CDHR5: variants seen among roughly 807,000 people sequenced by gnomAD.
CDHR5 encodes the protein cadherin related family member 5.
CDHR5 carries 82 observed loss-of-function variants against 69.5 expected under a neutral mutation model. The observed-to-expected ratio is 1.18, with a 90% CI of 0.99 to 1.42. CDHR5 has a LOEUF of 1.42. Ranked by LOEUF, CDHR5 falls within the 40% of genes most tolerant of loss-of-function variation. The pLI is 0.00. For missense variants in CDHR5, 1,293 were observed against 1,168.9 expected, an observed-to-expected ratio of 1.11 and a Z score of -1.55; for synonymous variants, 601 against 510.2, an observed-to-expected ratio of 1.18 and a Z score of -2.40.
In CDHR5 at chr11:618,893, C is replaced by G; in HGVS notation, c.1666G>C (p.Gly556Arg). The stretch of plus-strand genomic sequence containing the variant: ...GCTGGTTGGTGGGAGGTGCTGGTTC[C>G]CACACCGGGGGGCATCGGCTGAGAG... ...GTSQPMPPGV[G>R]TSTSHQPATP... The change falls in exon 13 of 15, where the codon GGA becomes CGA. Residue 556 changes from glycine to arginine, a missense_variant. Coordinates refer to ENST00000397542, the MANE Select transcript of CDHR5 (RefSeq NM_021924.5). The G allele has an allele frequency of 6.2e-7, 1 of 1,602,816 alleles. No individual in the cohort carries two copies. Among genetic ancestry groups the G allele is most frequent in the Non-Finnish European group, 8.5e-7 (1 of 1,175,598 alleles).
intron 3 of CDHR5, among the ~76,000 whole-genome samples, chr11:622,383 G>T (rs986259351): frequency 1.3e-5 from 2 of 151,208 alleles, no homozygotes; most frequent in Non-Finnish European, 2.9e-5. Flanking sequence ...GCAGCCAGCA[G>T]AATCTCAGGT....
chr11:624,952 G>A lies in CDHR5; in HGVS notation c.-50C>T, dbSNP rs1857646065. On this transcript the variant is annotated 5_prime_UTR_variant, in exon 1 of 15. Coordinates refer to ENST00000397542, the MANE Select transcript of CDHR5 (RefSeq NM_021924.5). This position sits in a 1 kb window ranked among gnomAD's most constrained non-coding sequence, Gnocchi z 5.3. ...GGGTCTGAGCGGGTCTGGCGTCTAG[G>A]ACTGGCGCAGTTCCTACCTCAGCGA... is the stretch of plus-strand genomic sequence containing the variant. 7.0e-7 allele frequency: 1 copy of A among 1,423,766 alleles called. No individual in the cohort carries two copies. Among genetic ancestry groups the A allele is most frequent in the Non-Finnish European group, 9.5e-7 (1 of 1,052,334 alleles). 88.2% of individuals were successfully genotyped at this position (1,423,766 alleles called of 1,614,324 possible). A position where few individuals can be genotyped will look rare whatever the true frequency, so the allele number is the denominator to read the frequency against.
At chr11:619,413 C>T (rs1227790935) in intron 11 of CDHR5, 23 bp from the exon 12 acceptor site, 2 of 1,609,692 alleles carry the variant, frequency 1.2e-6, no homozygotes, top group East Asian at 2.2e-5. Flanking sequence ...GGGGCTTGTC[C>T]CTCCTAGACA....
At chr11:618,552 A>G in intron 13 of CDHR5, 47 bp downstream of exon 13, 1 of 1,604,056 alleles carries the variant, frequency 6.2e-7, no homozygotes, top group East Asian at 2.2e-5. Context: ...TTCCCATACC[A>G]GCCAATGACC....
At position 618,088 on chromosome 11, in the gene CDHR5, G is replaced by C; in HGVS notation, c.1984C>G (p.Arg662Gly). 2.5e-6 allele frequency: 4 copies of C among 1,610,790 alleles called. No individual in the cohort carries two copies. The highest frequency in any genetic ancestry group is 3.4e-6 in the Non-Finnish European group (4 of 1,178,892). ...SSGGGPSEDK[R>G]FSVVDMAALG... ...GCCGCCATATCCACCACCGAGAAGC[G>C]CTTGTCCTCCGAGGGGCCGCCACCT... The change falls in exon 14 of 15, where the codon CGC (arginine) becomes GGC (glycine). Residue 662 changes from arginine to glycine, a missense_variant. Physicochemically the swap from Arg to Gly is moderately radical, Grantham distance 125 (BLOSUM62 -2). Coordinates refer to ENST00000397542, the MANE Select transcript of CDHR5 (RefSeq NM_021924.5).
At chr11:620,983 A>AACCCCCCCCC in intron 7 of CDHR5, 97 bp downstream of exon 7, 1 of 537,004 alleles carries the variant, frequency 1.9e-6, no homozygotes, top group East Asian at 3.5e-5. Flanking sequence ...CCACCCCCTG[A>AACCCCCCCCC]CCCCGACCCC....
chr11:616,976 C>CGTCTCATTAAAAAA lies in CDHR5; in HGVS notation c.*374_*375insTTTTTTAATGAGAC. On this transcript the variant is annotated 3_prime_UTR_variant, in exon 15 of 15. Coordinates refer to ENST00000397542, the MANE Select transcript of CDHR5 (RefSeq NM_021924.5). ...CGGGAGCGGGAGGTCTGAGATGAGC[C>CGTCTCATTAAAAAA]GGGTGCCTGAGATCTCCGGTGCAGG... 2 of 255,816 alleles carry CGTCTCATTAAAAAA rather than the reference C, an allele frequency of 7.8e-6. No homozygotes were observed. Among genetic ancestry groups the CGTCTCATTAAAAAA allele is most frequent in the Non-Finnish European group, 1.5e-5 (2 of 132,172 alleles). 15.8% of individuals were successfully genotyped at this position (255,816 alleles called of 1,614,324 possible). A position where few individuals can be genotyped will look rare whatever the true frequency, so the allele number is the denominator to read the frequency against.
rs773075669 is a variant in CDHR5 at position 624,783 on chromosome 11, C to T, written c.85+35G>A. ...GTGCCTCCCAGCCCCTGGCTCCCCGCCGCCCGTGCCCCACCTACCCCTGCC... is the reference window on the plus strand; with the variant it reads ...GTGCCTCCCAGCCCCTGGCTCCCCGTCGCCCGTGCCCCACCTACCCCTGCC... On this transcript the variant is annotated intron_variant, in intron 1 of 14. Coordinates refer to ENST00000397542, the MANE Select transcript of CDHR5 (RefSeq NM_021924.5). This position sits in a 1 kb window ranked among gnomAD's most constrained non-coding sequence, Gnocchi z 5.3. 2 of 1,604,632 alleles carry T rather than the reference C, an allele frequency of 1.2e-6. No homozygotes were observed. The highest frequency in any genetic ancestry group is 1.7e-6 in the Non-Finnish European group (2 of 1,174,292).
rs200470652 is a variant in CDHR5, at chr11:621,823, T to G, written c.394A>C (p.Arg132=). 65 of 1,613,244 alleles carry G rather than the reference T, an allele frequency of 4.0e-5. No homozygotes were observed. The highest frequency in any genetic ancestry group is 3.3e-4 in the Middle Eastern group (2 of 6,060). The stretch of plus-strand genomic sequence containing the variant: ...TTCGCTGGCCTCACCTCCTCCACCC[T>G]TATCTCCTTGGTCTTAAAGGGGAAT... The part of the protein sequence containing the change: ...PEFPFKTKEI[R]VEEDTKVNST... The change falls in exon 4 of 15, where the codon AGG becomes CGG. Residue 132 remains arginine, a synonymous_variant. Coordinates refer to ENST00000397542, the MANE Select transcript of CDHR5 (RefSeq NM_021924.5). The surrounding 1 kb of genome is among the most constrained non-coding windows in gnomAD (Gnocchi z 4.4).
In CDHR5 at chr11:624,825, C is replaced by G. The variant is rs1280626603; in HGVS notation, c.78G>C (p.Gln26His). Residue 26 changes from glutamine (Q) to histidine (H), a missense_variant, in exon 1 of 15, where the codon CAG becomes CAC. Gln to His is a conservative substitution (Grantham distance 24, BLOSUM62 0). Coordinates refer to ENST00000397542, the MANE Select transcript of CDHR5 (RefSeq NM_021924.5). This position sits in a 1 kb window ranked among gnomAD's most constrained non-coding sequence, Gnocchi z 5.3. Reference sequence around the variant, plus strand: ...ACCCCTGCCCGCACATACACTGGGCCTGGGCCATGGTCCCCGGGGGTCGGA... The same window carrying G: ...ACCCCTGCCCGCACATACACTGGGCGTGGGCCATGGTCCCCGGGGGTCGGA... ...LLVRPPGTMA[Q>H]AQYCSVNKDI... 3 of 1,609,146 alleles carry G rather than the reference C, an allele frequency of 1.9e-6. No individual in the cohort carries two copies. Among genetic ancestry groups the G allele is most frequent in the South Asian group, 2.2e-5 (2 of 90,814 alleles).
At position 618,964 on chromosome 11, in the gene CDHR5, G is replaced by A. The variant is rs749734402; in HGVS notation, c.1595C>T (p.Pro532Leu). 6.2e-6 allele frequency: 10 copies of A among 1,613,586 alleles called. No homozygotes were observed. In the South Asian group the frequency reaches 1.1e-4, roughly 18 times the overall value. Residue 532 changes from proline (P) to leucine (L), a missense_variant, in exon 13 of 15, where the codon CCA (proline) becomes CTA (leucine). Pro to Leu is a moderately conservative substitution (Grantham distance 98). Transcript: ENST00000397542. ...TGCTGTGTCCCCACCGGGAGTGGCT[G>A]GTTGGTGGGAGGTGCTGTTTTCTGC... ...PGAENSTSHQ[P>L]ATPGGDTAQT...
chr11:619,861 G>A lies in CDHR5; in HGVS notation c.999C>T (p.Ala333=). 2 of 1,551,806 alleles carry A rather than the reference G, an allele frequency of 1.3e-6. No individual in the cohort carries two copies. The highest frequency in any genetic ancestry group is 1.7e-6 in the Non-Finnish European group (2 of 1,152,476). ...LLVKGQQADL[A]RYSVTQVTVE... ...CGGTGACCTGGGTCACTGAGTAGCG[G>A]GCAAGGTCGGCCTGTTGGCCCTGGA... Residue 333 remains alanine (A), a synonymous_variant, in exon 10 of 15, where the codon GCC becomes GCT. Transcript: ENST00000397542.
In CDHR5 at chr11:617,371, C is replaced by T. The variant is rs752686974; in HGVS notation, c.2518G>A (p.Gly840Ser). 2.2e-5 allele frequency: 35 copies of T among 1,608,168 alleles called. No individual in the cohort carries two copies. The East Asian group carries it at 3.3e-4, about 15-fold the overall frequency. The stretch of plus-strand genomic sequence containing the variant: ...GCCACTTAGATGTAGGAGTCATCAC[C>T]ACCGGGCGCATCGTAGGGACCCCCA... ...RGGGPYDAPG[G>S]DDSYI The change falls in exon 15 of 15, where the codon GGT (glycine) becomes AGT (serine). Residue 840 changes from glycine to serine, a missense_variant. Coordinates refer to ENST00000397542, the MANE Select transcript of CDHR5 (RefSeq NM_021924.5).
At position 624,485 on chromosome 11, in the gene CDHR5, G is replaced by A. The variant is rs564523663; in HGVS notation, c.261+72C>T. ...AGGCATAGAACTCCTAGGCCCCCAA[G>A]GGAGGTGTGGCCTGAGGATGCAGGT... On this transcript the variant is annotated intron_variant, in intron 2 of 14. Coordinates refer to ENST00000397542, the MANE Select transcript of CDHR5 (RefSeq NM_021924.5). The surrounding 1 kb of genome is among the most constrained non-coding windows in gnomAD (Gnocchi z 5.3). 6.8e-7 allele frequency: 1 copy of A among 1,463,670 alleles called. No individual in the cohort carries two copies. Among genetic ancestry groups the A allele is most frequent in the East Asian group, 2.3e-5 (1 of 44,164 alleles). The allele number at this position is 1,463,670 out of a possible 1,614,324, so 90.7% of individuals were successfully genotyped here. A position where few individuals can be genotyped will look rare whatever the true frequency, so the allele number is the denominator to read the frequency against.
In CDHR5 at chr11:616,952, G is replaced by C; in HGVS notation, c.*399C>G. On this transcript the variant is annotated 3_prime_UTR_variant, in exon 15 of 15. Coordinates refer to ENST00000397542, the MANE Select transcript of CDHR5 (RefSeq NM_021924.5). Reference sequence around the variant, plus strand: ...CCCCAGGCAATCTCTGTGTAGGGTCGGGAGCGGGAGGTCTGAGATGAGCCG... The same window carrying C: ...CCCCAGGCAATCTCTGTGTAGGGTCCGGAGCGGGAGGTCTGAGATGAGCCG... The C allele has an allele frequency of 4.7e-6, 1 of 214,600 alleles. No homozygotes were observed. The highest frequency in any genetic ancestry group is 1.0e-4 in the South Asian group (1 of 9,628). The allele number at this position is 214,600 out of a possible 1,614,324, so 13.3% of individuals were successfully genotyped here. A position where few individuals can be genotyped will look rare whatever the true frequency, so the allele number is the denominator to read the frequency against.
rs559671126 is a variant in CDHR5 at position 617,953 on chromosome 11, C to T, written c.2118+1G>A. On this transcript the variant is annotated splice_donor_variant, in intron 14 of 14. Transcript: ENST00000397542. LOFTEE classifies it high-confidence loss of function. ...GCCCTGTTCTCCATCCTGGGCCTCACCGGAGCTTTGCCACAGCAGCACTTG... is the reference window on the plus strand; with the variant it reads ...GCCCTGTTCTCCATCCTGGGCCTCATCGGAGCTTTGCCACAGCAGCACTTG... The T allele has an allele frequency of 6.2e-7, 1 of 1,610,632 alleles. No homozygotes were observed. The highest frequency in any genetic ancestry group is 1.7e-5 in the Admixed American group (1 of 59,670).
At chr11:619,660 G>A (rs937251608) in intron 10 of CDHR5, 21 bp downstream of exon 10, 1 of 1,611,960 alleles carries the variant, frequency 6.2e-7, no homozygotes, top group Admixed American at 1.7e-5. Context: ...ACAGAGGGGA[G>A]GCCTTGGATG....
rs1857084552 is a variant in CDHR5 at position 618,038 on chromosome 11, C to T, written c.2034G>A (p.Leu678=). 5 of 1,612,302 alleles carry T rather than the reference C, an allele frequency of 3.1e-6. No individual in the cohort carries two copies. The highest frequency in any genetic ancestry group is 3.4e-6 in the Non-Finnish European group (4 of 1,179,694). Residue 678 remains leucine, a synonymous_variant, in exon 14 of 15, where the codon CTG becomes CTA. Coordinates refer to ENST00000397542, the MANE Select transcript of CDHR5 (RefSeq NM_021924.5). ...MAALGGVLGA[L]LLLALLGLAV... ...CGAGGCCAAGGAGAGCCAGCAGCAG[C>T]AGCGCACCCAGCACCCCGCCCAGGG...
rs767600057 is a variant in CDHR5 at position 617,620 on chromosome 11, C to T, written c.2269G>A (p.Gly757Ser). Residue 757 changes from glycine to serine, a missense_variant, in exon 15 of 15, where the codon GGT (glycine) becomes AGT (serine). Coordinates refer to ENST00000397542, the MANE Select transcript of CDHR5 (RefSeq NM_021924.5). ...PAPPGPASPG[G>S]APEPPAAARA... is the part of the protein sequence containing the mutation. The stretch of plus-strand genomic sequence containing the variant: ...GCCGCTGCGGGGGGCTCAGGGGCAC[C>T]GCCTGGGGAGGCAGGGCCGGGGGGT... 1.0e-4 allele frequency: 165 copies of T among 1,595,126 alleles called. No homozygotes were observed. Among genetic ancestry groups the T allele is most frequent in the East Asian group, 4.1e-4 (18 of 43,974 alleles).
Sources: allele counts gnomAD v4.1 joint callset (sites outside exome capture counted in the v4.1 genomes callset), GRCh38; gene constraint gnomAD v4.1.1; non-coding constraint Gnocchi (gnomAD v3.1); transcripts MANE v1.5; gene names NCBI Gene and HGNC (gene_info 2026-07-23, HGNC 2026-07-21).